Variants in ACCSL observed in about 807,000 individuals in gnomAD.
The protein encoded by ACCSL is 1-aminocyclopropane-1-carboxylate synthase homolog (inactive) like.
A neutral mutation model predicts 61.7 loss-of-function variants in ACCSL; 55 were observed. The ratio of observed to expected loss-of-function variants is 0.89; its 90% CI spans 0.72 to 1.12. ACCSL has a LOEUF of 1.12. Ranked by LOEUF, ACCSL falls within the 50% of genes most tolerant of loss-of-function variation. The pLI is 0.00. For synonymous variants in ACCSL, 258 were observed against 264.3 expected, an observed-to-expected ratio of 0.98 and a Z score of 0.23; for missense variants, 632 against 698.0, an observed-to-expected ratio of 0.91 and a Z score of 1.07.
chr11:43,929,725 T>G, the ACCSL span, among the ~76,000 whole-genome samples: 1 of 152,170 alleles, frequency 6.6e-6, no homozygotes, highest in Non-Finnish European at 1.5e-5. Context: ...TTAAATTTTT[T>G]GTAGAGATGA....
At chr11:44,056,400 C>G in intron 11 of ACCSL, 74 bp downstream of exon 11, 1 of 1,526,092 alleles carries the variant, frequency 6.6e-7, no homozygotes, top group Non-Finnish European at 8.8e-7. Context: ...TTTGCTTGGG[C>G]CTCTGATGTG....
Position 44,048,471 on chromosome 11 carries a change from T to G in ACCSL, c.435T>G (p.Phe145Leu). ...TCCGTGGGATTGACATCTCTGTCTT[T>G]TATCAGTCGAGCTTCCAGGACTACA... ...LSIRGIDISV[F>L]YQSSFQDYNA... The change falls in exon 1 of 14, where the codon TTT becomes TTG. Residue 145 changes from phenylalanine to leucine, a missense_variant. Transcript: ENST00000378832. The G allele has an allele frequency of 6.2e-7, 1 of 1,611,006 alleles. No individual in the cohort carries two copies. Among genetic ancestry groups the G allele is most frequent in the South Asian group, 1.1e-5 (1 of 91,020 alleles).
chr11:44,028,055 C>T, the ACCSL span, among the ~76,000 whole-genome samples: 1 of 152,062 alleles, frequency 6.6e-6, no homozygotes, highest in Non-Finnish European at 1.5e-5. Context: ...ATAGTCTTAG[C>T]TACTTAGGAG....
chr11:44,047,046 A>G (rs780614931), upstream of ACCSL, among the ~76,000 whole-genome samples: 3 of 152,184 alleles, frequency 2.0e-5, no homozygotes, highest in African/African-American at 7.2e-5. Context: ...AAAACAAAAC[A>G]AAATTGCTAA....
chr11:43,941,798 G>A, the ACCSL span, among the ~76,000 whole-genome samples: 2 of 152,218 alleles, frequency 1.3e-5, no homozygotes. Context: ...CTGCTGTGAA[G>A]ATTAAACAGG....
At chr11:43,925,703 G>A in the ACCSL span, among the ~76,000 whole-genome samples, 2 of 152,162 alleles carry the variant, frequency 1.3e-5, no homozygotes, top group African/African-American at 4.8e-5. Context: ...GCCCTGTGGG[G>A]AGAGGTGGAA....
chr11:43,984,375 T>C, the ACCSL span, among the ~76,000 whole-genome samples: 1 of 152,236 alleles, frequency 6.6e-6, no homozygotes, highest in East Asian at 1.9e-4. Context: ...CTTAGACTTG[T>C]TTCAAAATAA....
the ACCSL span, among the ~76,000 whole-genome samples, chr11:43,961,612 A>T: frequency 6.6e-6 from 1 of 152,160 alleles, no homozygotes; most frequent in Non-Finnish European, 1.5e-5. Context: ...TGGACTGAAC[A>T]TTTAGATGGG....
chr11:44,004,741 C>A, the ACCSL span, among the ~76,000 whole-genome samples: 1 of 152,152 alleles, frequency 6.6e-6, no homozygotes, highest in African/African-American at 2.4e-5. Context: ...AAAATGCAGT[C>A]CAAGACCAGC....
At chr11:44,007,538 C>T in the ACCSL span, among the ~76,000 whole-genome samples, 26 of 152,170 alleles carry the variant, frequency 1.7e-4, no homozygotes, top group Non-Finnish European at 3.4e-4. Context: ...ATGATGCTCG[C>T]TCCTCAAACC....
At chr11:43,952,484 C>G in the ACCSL span, among the ~76,000 whole-genome samples, 2 of 152,184 alleles carry the variant, frequency 1.3e-5, no homozygotes, top group African/African-American at 2.4e-5. Context: ...GGTTAAATAT[C>G]GTCCCCTGAC....
At chr11:43,942,065 T>A in the ACCSL span, among the ~76,000 whole-genome samples, 1 of 148,670 alleles carries the variant, frequency 6.7e-6, no homozygotes, top group African/African-American at 2.5e-5. Context: ...TGTGTGTGTG[T>A]GTGTGTGTGT....
At chr11:43,924,575 C>T in the ACCSL span, among the ~76,000 whole-genome samples, 32 of 152,250 alleles carry the variant, frequency 2.1e-4, no homozygotes, top group Admixed American at 2.6e-4. Context: ...GTGCTAGCCC[C>T]GCAGCCTCCA....
the ACCSL span, among the ~76,000 whole-genome samples, chr11:44,037,417 G>A: frequency 6.6e-6 from 1 of 152,264 alleles, no homozygotes; most frequent in Non-Finnish European, 1.5e-5. Flanking sequence ...GCCTTTCTGA[G>A]GTCACGCACG....
At chr11:43,953,949 C>T in the ACCSL span, among the ~76,000 whole-genome samples, 1 of 152,174 alleles carries the variant, frequency 6.6e-6, no homozygotes, top group Non-Finnish European at 1.5e-5. Flanking sequence ...GATCCAAGCA[C>T]CCTCTCTTGG....
intron 13 of ACCSL, among the ~76,000 whole-genome samples, chr11:44,059,191 G>A (rs1459142349): frequency 6.6e-6 from 1 of 152,198 alleles, no homozygotes; most frequent in Non-Finnish European, 1.5e-5. Context: ...GCAGTGAGCT[G>A]AGATTGCGCC....
At chr11:43,930,653 G>A in the ACCSL span, among the ~76,000 whole-genome samples, 1 of 152,132 alleles carries the variant, frequency 6.6e-6, no homozygotes, top group Admixed American at 6.5e-5. Context: ...TGCTTGTACA[G>A]CCTGCGGAAT....
chr11:44,058,508 G>C (rs771105632), intron 12 of ACCSL, 38 bp from the exon 13 acceptor site: 1 of 1,613,950 alleles, frequency 6.2e-7, no homozygotes, highest in Non-Finnish European at 8.5e-7. Flanking sequence ...CCTGCCAGCT[G>C]GGTCTTGGGC....
At chr11:43,981,159 G>A in the ACCSL span, among the ~76,000 whole-genome samples, 6 of 152,170 alleles carry the variant, frequency 3.9e-5, no homozygotes, top group Non-Finnish European at 5.9e-5. Context: ...CCACTGATGT[G>A]GGCAGGTGGA....
Sources: allele counts gnomAD v4.1 joint callset (sites outside exome capture counted in the v4.1 genomes callset), GRCh38; gene constraint gnomAD v4.1.1; transcripts MANE v1.5; gene names NCBI Gene and HGNC (gene_info 2026-07-23, HGNC 2026-07-21).